RBFOX1: variants seen among roughly 807,000 people sequenced by gnomAD.
RBFOX1 encodes the protein RNA binding fox-1 homolog 1, also known as RNA binding protein fox-1 homolog 1.
Under a neutral mutation model 57.7 loss-of-function variants are expected in RBFOX1, and 8 were observed. The ratio of observed to expected loss-of-function variants is 0.14; its 90% confidence interval spans 0.08 to 0.25. The LOEUF (loss-of-function observed/expected upper bound fraction) is 0.25, where lower values mean the gene tolerates loss of function less well. Among genes scored for constraint, RBFOX1 ranks in the 10% least tolerant of loss-of-function variants. The pLI, the probability that RBFOX1 is intolerant of heterozygous loss-of-function variation, is 1.00. For synonymous variants in RBFOX1, 326 were observed against 222.4 expected (o/e 1.47, Z -4.15); for missense variants, 611 against 548.5 (o/e 1.11, Z -1.14).
intron 2 of RBFOX1, among the ~76,000 whole-genome samples, chr16:6,500,755 TTA>T (rs2095886324): frequency 6.6e-6 from 1 of 152,094 alleles, no homozygotes; most frequent in African/African-American, 2.4e-5. Flanking sequence ...CAAGATGTTG[TTA>T]TTCTCCTCAC....
chr16:6,874,442 G>A (rs186902521), intron 3 of RBFOX1, among the ~76,000 whole-genome samples: 3 of 148,102 alleles, frequency 2.0e-5, no homozygotes, highest in Non-Finnish European at 1.5e-5. Flanking sequence ...TCCAGGAGAT[G>A]GAGGTTGCAG....
rs1368218204 is a variant in RBFOX1, at chr16:5,532,311, C to T, written c.258+65057C>T. Among the ~76,000 whole-genome samples, 6 of 152,184 alleles carry T rather than the reference C, an allele frequency of 3.9e-5. No homozygotes were observed. The East Asian group carries it at 9.6e-4, about 24-fold the overall frequency. ...GCCAAACATTTCTGGGGAGCAACAT[C>T]GCCATCACTTGAGAACCATTGTTCT... On this transcript the variant is annotated intron_variant, in intron 2 of 2. Coordinates refer to the RBFOX1 transcript ENST00000585867.
At chr16:7,073,108 T>G (rs941222791) in intron 4 of RBFOX1, among the ~76,000 whole-genome samples, 5 of 152,116 alleles carry the variant, frequency 3.3e-5, no homozygotes, top group African/African-American at 1.2e-4. Context: ...AGATCAGACT[T>G]TAGGAGTAAA....
intron 3 of RBFOX1, among the ~76,000 whole-genome samples, chr16:7,050,771 T>G (rs1019778230): frequency 6.6e-6 from 1 of 152,178 alleles, no homozygotes; most frequent in African/African-American, 2.4e-5. Context: ...ATTTTTCCAT[T>G]ATCACACATA....
chr16:6,560,854 T>C (rs1376329734), intron 2 of RBFOX1, among the ~76,000 whole-genome samples: 5 of 152,304 alleles, frequency 3.3e-5, no homozygotes, highest in Admixed American at 3.3e-4. Context: ...AGCCTAGTGC[T>C]TGGCATGTTG....
At chr16:5,879,971 C>A (rs918556387) in intron 4 of RBFOX1, among the ~76,000 whole-genome samples, 1 of 152,188 alleles carries the variant, frequency 6.6e-6, no homozygotes, top group Non-Finnish European at 1.5e-5. Flanking sequence ...GAACCTGTAA[C>A]AAGAGGCCTG....
At chr16:5,363,168 G>A (rs553238681) in intron 1 of RBFOX1, among the ~76,000 whole-genome samples, 4 of 151,292 alleles carry the variant, frequency 2.6e-5, no homozygotes, top group Middle Eastern at 6.8e-3. Flanking sequence ...TGAGTAGCTG[G>A]GACTACAGGC....
intron 4 of RBFOX1, among the ~76,000 whole-genome samples, chr16:7,438,911 T>G (rs79811063): frequency 6.6e-6 from 1 of 152,186 alleles, no homozygotes; most frequent in African/African-American, 2.4e-5. Context: ...CCTTCAGCTC[T>G]TGATGTGTCC....
chr16:5,497,029 A>C (rs2043023488), intron 2 of RBFOX1, among the ~76,000 whole-genome samples: 1 of 152,164 alleles, frequency 6.6e-6, no homozygotes, highest in Admixed American at 6.5e-5. Flanking sequence ...ATATTGAGTA[A>C]ATTGAATTTT....
At position 5,842,234 on chromosome 16, in the gene RBFOX1, G is replaced by A. The variant is rs76493023; in HGVS notation, c.319-25069G>A. Among the ~76,000 whole-genome samples, 329 of 152,218 alleles carry A rather than the reference G, an allele frequency of 2.2e-3. 1 individual carries two copies. The highest frequency in any genetic ancestry group is 3.5e-3 in the Non-Finnish European group (235 of 68,018). ...CTGTTCTCAGCACCGAGAGAATGGC[G>A]ATGATTTTCCTAGTGAGATGCAGGA... is the stretch of plus-strand genomic sequence containing the variant. On this transcript the variant is annotated intron_variant, in intron 3 of 19. Transcript: ENST00000641259.
At chr16:6,971,114 G>A (rs1183984731) in intron 3 of RBFOX1, among the ~76,000 whole-genome samples, 6 of 152,156 alleles carry the variant, frequency 3.9e-5, no homozygotes, top group African/African-American at 1.2e-4. Context: ...ATCTAGCGGA[G>A]GAAGACAGAC....
intron 14 of RBFOX1, among the ~76,000 whole-genome samples, chr16:7,685,292 C>T (rs922005306): frequency 6.6e-6 from 1 of 152,236 alleles, no homozygotes; most frequent in Non-Finnish European, 1.5e-5. Context: ...ATTACCATTG[C>T]CTCTCTACTC....
chr16:6,066,068 G>A (rs1258582465), intron 1 of RBFOX1, among the ~76,000 whole-genome samples: 1 of 152,028 alleles, frequency 6.6e-6, no homozygotes, highest in Non-Finnish European at 1.5e-5. Context: ...GGCCGAGGAG[G>A]GTGGATCATG....
At chr16:6,155,655 A>C (rs553176151) in intron 1 of RBFOX1, among the ~76,000 whole-genome samples, 10 of 152,270 alleles carry the variant, frequency 6.6e-5, no homozygotes, top group African/African-American at 1.4e-4. Context: ...CCGACTTTCT[A>C]TCCCACCAAC....
chr16:6,963,216 A>G (rs913898454), intron 3 of RBFOX1, among the ~76,000 whole-genome samples: 4 of 152,180 alleles, frequency 2.6e-5, no homozygotes, highest in African/African-American at 9.6e-5. Context: ...AATTTTCTGT[A>G]AAGAGGTAGC....
chr16:6,967,891 C>T (rs79426783), intron 3 of RBFOX1, among the ~76,000 whole-genome samples: 8,219 of 152,152 alleles, frequency 0.054, 250 homozygotes, highest in African/African-American at 0.072. Context: ...AAAAGATGCC[C>T]CAAATCACTG....
chr16:6,887,203 TC>T (rs1351909159), intron 3 of RBFOX1, among the ~76,000 whole-genome samples: 1 of 152,200 alleles, frequency 6.6e-6, no homozygotes, highest in African/African-American at 2.4e-5. Context: ...CTCCTCTATC[TC>T]TAATTCTAGT....
intron 4 of RBFOX1, among the ~76,000 whole-genome samples, chr16:5,989,616 C>G (rs1488502271): frequency 2.0e-5 from 3 of 151,970 alleles, no homozygotes; most frequent in African/African-American, 4.8e-5. Context: ...GGCAGAAGAC[C>G]TCTGCCATGC....
intron 3 of RBFOX1, among the ~76,000 whole-genome samples, chr16:6,916,581 C>G (rs1466447049): frequency 1.3e-5 from 2 of 151,974 alleles, no homozygotes; most frequent in Non-Finnish European, 2.9e-5. Flanking sequence ...TCATCGTGAC[C>G]TACACACTTG....
Sources: allele counts gnomAD v4.1 joint callset (sites outside exome capture counted in the v4.1 genomes callset), GRCh38; gene constraint gnomAD v4.1.1; transcripts MANE v1.5; gene names NCBI Gene and HGNC (gene_info 2026-07-23, HGNC 2026-07-21).